The following BID variants were observed in gnomAD, a reference collection of about 807,000 sequenced individuals.
BID encodes BH3 interacting domain death agonist.
BID carries 19 observed loss-of-function variants against 17.4 expected under a neutral mutation model. That is an observed-to-expected ratio of 1.09 (90% CI 0.76 to 1.60). The LOEUF (loss-of-function observed/expected upper bound fraction) is 1.60. BID is among the 40% of genes most tolerant of loss of function. The pLI, the probability that BID is intolerant of heterozygous loss-of-function variation, is 0.00. For synonymous variants in BID, 108 were observed against 102.8 expected, an observed-to-expected ratio of 1.05 and a Z score of -0.31; for missense variants, 226 against 256.0, an observed-to-expected ratio of 0.88 and a Z score of 0.80.
chr22:17,739,612 G>T, intron 3 of BID, 124 bp from the exon 4 acceptor site: 2 of 1,294,580 alleles, frequency 1.5e-6, no homozygotes, highest in Non-Finnish European at 2.1e-6. Context: ...CCCCCACTGG[G>T]CACGTGCTCC....
intron 4 of BID, among the ~76,000 whole-genome samples, chr22:17,738,539 C>T (rs1282795826): frequency 6.6e-6 from 1 of 152,176 alleles, no homozygotes. Context: ...TAGTGACCAC[C>T]TGCGACGCCT....
chr22:17,758,918 TA>T (rs34464728), intron 1 of BID, among the ~76,000 whole-genome samples: 139,792 of 152,094 alleles, frequency 0.92, 64,502 homozygotes, highest in East Asian at 1. Context: ...TTTACCACGA[TA>T]AAAAAATATA....
Position 17,773,488 on chromosome 22 carries a change from G to T in BID, c.-59+893C>A. 1 of 980,700 alleles carries T rather than the reference G, an allele frequency of 1.0e-6. No homozygotes were observed. Among genetic ancestry groups the T allele is most frequent in the Non-Finnish European group, 1.6e-6 (1 of 637,036 alleles). The allele number at this position is 980,700 out of a possible 1,614,324, so 60.7% of individuals were successfully genotyped here. A position where few individuals can be genotyped will look rare whatever the true frequency, so the allele number is the denominator to read the frequency against. ...GGGTGTGGATAAGGCTCCAGGAAGG[G>T]GGTGCAAGCCTGAGAAGGTGGAAGA... is the stretch of plus-strand genomic sequence containing the variant. On this transcript the variant is annotated intron_variant, in intron 1 of 5. Transcript: ENST00000622694. This position sits in a 1 kb window ranked among gnomAD's most constrained non-coding sequence, Gnocchi z 4.4.
chr22:17,755,082 C>CTTTTTT (rs59654004), intron 1 of BID, among the ~76,000 whole-genome samples: 43 of 99,274 alleles, frequency 4.3e-4, no homozygotes, highest in Non-Finnish European at 6.7e-4. Context: ...TTTTTCTTTT[C>CTTTTTT]TTTTTTTTTT....
intron 3 of BID, among the ~76,000 whole-genome samples, chr22:17,742,524 C>T (rs1389796315): frequency 4.2e-5 from 6 of 143,944 alleles, no homozygotes; most frequent in Admixed American, 2.8e-4. Flanking sequence ...ACTCCAGCCA[C>T]GTCCTCAAGC....
At chr22:17,746,560 G>T (rs1244517028) in intron 2 of BID, among the ~76,000 whole-genome samples, 2 of 152,202 alleles carry the variant, frequency 1.3e-5, no homozygotes, top group African/African-American at 2.4e-5. Flanking sequence ...GCTGGGCTAA[G>T]CTGTGTCACC....
At chr22:17,744,849 G>C (rs529027469) in intron 2 of BID, among the ~76,000 whole-genome samples, 4 of 152,196 alleles carry the variant, frequency 2.6e-5, no homozygotes, top group Non-Finnish European at 5.9e-5. Flanking sequence ...AGGTGGAAGA[G>C]AGAACAAAAC....
chr22:17,736,457 CAAAA>C (rs10559377), intron 5 of BID, among the ~76,000 whole-genome samples: 17,361 of 136,472 alleles, frequency 0.13, 1,351 homozygotes, highest in Non-Finnish European at 0.18. Context: ...AATTCTGTCT[CAAAA>C]AAAAAAAAAA....
chr22:17,751,155 G>A (rs1243009164), intron 1 of BID, among the ~76,000 whole-genome samples: 3 of 151,980 alleles, frequency 2.0e-5, no homozygotes, highest in Non-Finnish European at 2.9e-5. Context: ...GGTGGATCAT[G>A]AGGTCAGGAG....
At chr22:17,759,696 AATT>A (rs1023639851) in intron 1 of BID, among the ~76,000 whole-genome samples, 3 of 152,126 alleles carry the variant, frequency 2.0e-5, no homozygotes, top group South Asian at 2.1e-4. Context: ...CAACTCTAAA[AATT>A]ATTATTATTA....
At position 17,738,050 on chromosome 22, in the gene BID, GT is replaced by G; in HGVS notation, c.542del (p.Asn181ThrfsTer6). 6.2e-7 allele frequency: 1 copy of G among 1,614,208 alleles called. No individual in the cohort carries two copies. The highest frequency in any genetic ancestry group is 8.5e-7 in the Non-Finnish European group (1 of 1,180,056). ...FHTTVNFINQ[N>X]LRTYVRSLAR... ...CTAAGCTCCTCACGTAGGTGCGTAG[GT>G]TCTGGTTAATAAAATTCACTGTTGT... On this transcript the variant is annotated frameshift_variant, in exon 5 of 6. Transcript: ENST00000622694. LOFTEE classifies it high-confidence loss of function.
rs575312816 is a variant in BID, at chr22:17,773,793, A to T, written c.-59+588T>A. On this transcript the variant is annotated intron_variant, in intron 1 of 5. Transcript: ENST00000622694. The surrounding 1 kb of genome is among the most constrained non-coding windows in gnomAD (Gnocchi z 4.4). ...TCCCCTGGGGTCATTCAGCCACTCA[A>T]CAGTTTCCCAGCAGCAGCAGCGAGG... 81 of 1,076,938 alleles carry T rather than the reference A, an allele frequency of 7.5e-5. 1 individual carries two copies. The South Asian group carries it at 1.1e-3, about 14-fold the overall frequency. 66.7% of individuals were successfully genotyped at this position (1,076,938 alleles called of 1,614,324 possible). A position where few individuals can be genotyped will look rare whatever the true frequency, so the allele number is the denominator to read the frequency against.
At chr22:17,748,937 T>C (rs1032084886) in intron 2 of BID, among the ~76,000 whole-genome samples, 3 of 152,218 alleles carry the variant, frequency 2.0e-5, no homozygotes, top group Admixed American at 6.5e-5. Flanking sequence ...CTCCTCTGTT[T>C]ATGTAACTAA....
At chr22:17,764,712 A>AT (rs1327671194) in intron 1 of BID, among the ~76,000 whole-genome samples, 11 of 152,222 alleles carry the variant, frequency 7.2e-5, no homozygotes, top group Non-Finnish European at 1.3e-4. Context: ...ACAAAGGGGT[A>AT]CAGTGACCCA....
At chr22:17,761,709 C>T (rs185223621) in intron 1 of BID, among the ~76,000 whole-genome samples, 122 of 152,244 alleles carry the variant, frequency 8.0e-4, no homozygotes, top group African/African-American at 2.9e-3. Context: ...GCTGGGATTA[C>T]AGGCATAAGC....
At chr22:17,759,052 G>A (rs1243579953) in intron 1 of BID, among the ~76,000 whole-genome samples, 1 of 151,880 alleles carries the variant, frequency 6.6e-6, no homozygotes, top group African/African-American at 2.4e-5. Flanking sequence ...CCAACATGGT[G>A]AAACCCCGTC....
At chr22:17,742,665 A>G (rs2145878979) in intron 3 of BID, among the ~76,000 whole-genome samples, 1 of 152,302 alleles carries the variant, frequency 6.6e-6, no homozygotes, top group South Asian at 2.1e-4. Flanking sequence ...GCAGGCTTTC[A>G]GGGCAGGGAT....
chr22:17,762,600 GAGTGC>G (rs2061648017), intron 1 of BID, among the ~76,000 whole-genome samples: 4 of 37,350 alleles, frequency 1.1e-4, no homozygotes, highest in Admixed American at 9.0e-4. Flanking sequence ...AAGCAGGCTA[GAGTGC>G]AGTAGCACGA....
At chr22:17,739,556 C>A in intron 3 of BID, 68 bp from the exon 4 acceptor site, 8 of 1,547,232 alleles carry the variant, frequency 5.2e-6, no homozygotes, top group Non-Finnish European at 7.0e-6. Context: ...CTCTCCCACA[C>A]CACCCTGCCC....
Sources: allele counts gnomAD v4.1 joint callset (sites outside exome capture counted in the v4.1 genomes callset), GRCh38; gene constraint gnomAD v4.1.1; non-coding constraint Gnocchi (gnomAD v3.1); transcripts MANE v1.5; gene names NCBI Gene and HGNC (gene_info 2026-07-23, HGNC 2026-07-21).